CTNND2: variants seen among roughly 807,000 people sequenced by gnomAD.
CTNND2 encodes catenin delta-2.
In CTNND2, 22 loss-of-function variants were observed where a neutral mutation model predicts 144.4. The observed-to-expected ratio is 0.15, with a 90% confidence interval of 0.11 to 0.22. CTNND2 has a LOEUF of 0.22. Among genes scored for constraint, CTNND2 ranks in the 10% least tolerant of loss-of-function variants. CTNND2 has a pLI of 1.00. For missense variants in CTNND2, 1,353 were observed against 1,618.8 expected, an observed-to-expected ratio of 0.84 and a Z score of 2.82; for synonymous variants, 751 against 695.6, an observed-to-expected ratio of 1.08 and a Z score of -1.25.
Position 11,652,446 on chromosome 5 carries a change from A to G in CTNND2, c.174+79690T>C, listed in dbSNP as rs565528283. Among the ~76,000 whole-genome samples, 10 of 152,316 alleles carry G rather than the reference A, an allele frequency of 6.6e-5. No individual in the cohort carries two copies. In the East Asian group the frequency reaches 9.7e-4, roughly 15 times the overall value. The stretch of plus-strand genomic sequence containing the variant: ...TTTAGAGCAATGTAAGAATGGACTA[A>G]TACAGTCAGTGAGCTTTCAGACTGA... On this transcript the variant is annotated intron_variant, in intron 2 of 21. Transcript: ENST00000304623.
intron 9 of CTNND2, among the ~76,000 whole-genome samples, chr5:11,317,106 A>G (rs942617283): frequency 2.6e-5 from 4 of 152,220 alleles, no homozygotes; most frequent in African/African-American, 4.8e-5. Context: ...ATGCAAATCA[A>G]AACCACAATG....
At chr5:11,692,470 A>G (rs971366981) in intron 2 of CTNND2, among the ~76,000 whole-genome samples, 24 of 152,244 alleles carry the variant, frequency 1.6e-4, no homozygotes, top group African/African-American at 5.5e-4. Context: ...TTTGTTAGGC[A>G]GCAAAACAAA....
At chr5:11,512,135 T>C (rs182697982) in intron 3 of CTNND2, among the ~76,000 whole-genome samples, 6 of 152,306 alleles carry the variant, frequency 3.9e-5, no homozygotes, top group African/African-American at 9.6e-5. Context: ...CGCAGTCTCA[T>C]TGGGCCCCAC....
chr5:11,881,690 C>T (rs1736128244), intron 1 of CTNND2, among the ~76,000 whole-genome samples: 1 of 151,928 alleles, frequency 6.6e-6, no homozygotes. Context: ...GTGAATAGTG[C>T]TGCAATAAAC....
chr5:11,570,143 C>T (rs933102723), intron 2 of CTNND2, among the ~76,000 whole-genome samples: 3 of 152,126 alleles, frequency 2.0e-5, no homozygotes, highest in Non-Finnish European at 4.4e-5. Context: ...CAAACTCCTC[C>T]GATTTGTATA....
chr5:11,681,252 T>TC, intron 2 of CTNND2, among the ~76,000 whole-genome samples: 1 of 152,264 alleles, frequency 6.6e-6, no homozygotes, highest in Admixed American at 6.5e-5. Flanking sequence ...GATGGAGTGT[T>TC]CAACAGTTTA....
intron 16 of CTNND2, among the ~76,000 whole-genome samples, chr5:11,074,448 G>A (rs889932237): frequency 5.3e-5 from 8 of 152,156 alleles, no homozygotes; most frequent in African/African-American, 1.9e-4. Flanking sequence ...GATGTCCTGA[G>A]TATCATTTGT....
At chr5:11,844,832 T>C (rs547624892) in intron 1 of CTNND2, among the ~76,000 whole-genome samples, 2 of 152,294 alleles carry the variant, frequency 1.3e-5, no homozygotes, top group African/African-American at 4.8e-5. Flanking sequence ...ATTAATATTG[T>C]TAATCAAGCT....
chr5:10,992,703 A>G, intron 18 of CTNND2, 26 bp from the exon 19 acceptor site: 5 of 1,611,656 alleles, frequency 3.1e-6, no homozygotes, highest in Non-Finnish European at 4.2e-6. Context: ...CGCTCCTGTT[A>G]GATGGGCAAG....
chr5:11,856,391 G>T lies in CTNND2; in HGVS notation c.37+47426C>A, dbSNP rs115564059. Among the ~76,000 whole-genome samples, 202 of 152,214 alleles carry T rather than the reference G, an allele frequency of 1.3e-3. 1 individual carries two copies. The highest frequency in any genetic ancestry group is 4.6e-3 in the African/African-American group (192 of 41,538). ...GAGTGAGTGTCATCTGAAGGAGTGT[G>T]GTCTTTATCACTTTTTCAGCACAAA... On this transcript the variant is annotated intron_variant, in intron 1 of 21. Transcript: ENST00000304623.
chr5:11,040,663 C>T (rs2149566809), intron 16 of CTNND2, among the ~76,000 whole-genome samples: 1 of 152,190 alleles, frequency 6.6e-6, no homozygotes, highest in Non-Finnish European at 1.5e-5. Context: ...ATAAAAATGG[C>T]AGTTAATTAA....
chr5:11,903,216 A>G lies in CTNND2; in HGVS notation c.37+601T>C. On this transcript the variant is annotated intron_variant, in intron 1 of 21. Coordinates refer to ENST00000304623, the MANE Select transcript of CTNND2 (RefSeq NM_001332.4). This position sits in a 1 kb window ranked among gnomAD's most constrained non-coding sequence, Gnocchi z 5.4. ...TTCTGGAGCCTGGCTGTCTATTGTCAGCACGCAGAAGCCCCCGAAACCTGT... is the reference window on the plus strand; with the variant it reads ...TTCTGGAGCCTGGCTGTCTATTGTCGGCACGCAGAAGCCCCCGAAACCTGT... 1 of 985,452 alleles carries G rather than the reference A, an allele frequency of 1.0e-6. No individual in the cohort carries two copies. The highest frequency in any genetic ancestry group is 1.2e-6 in the Non-Finnish European group (1 of 829,980). The allele number at this position is 985,452 out of a possible 1,614,324, so 61.0% of individuals were successfully genotyped here.
chr5:11,637,901 T>C (rs1384618596), intron 2 of CTNND2, among the ~76,000 whole-genome samples: 1 of 152,198 alleles, frequency 6.6e-6, no homozygotes, highest in Admixed American at 6.5e-5. Context: ...AGAGAAGTGA[T>C]ACTAATTGAA....
intron 3 of CTNND2, among the ~76,000 whole-genome samples, chr5:11,545,587 C>T (rs1775162394): frequency 7.0e-6 from 1 of 142,146 alleles, no homozygotes; most frequent in Admixed American, 7.6e-5. Flanking sequence ...TGCTTGAACC[C>T]AGGAGGCAAA....
rs61761659 is a variant in CTNND2 at position 11,808,598 on chromosome 5, T to C, written c.38-76326A>G. ...CAACTACATGGTTTCTATTTTAATATTTTCCCCTTCTAGTTGGTCTCACCC... is the reference window on the plus strand; with the variant it reads ...CAACTACATGGTTTCTATTTTAATACTTTCCCCTTCTAGTTGGTCTCACCC... On this transcript the variant is annotated intron_variant, in intron 1 of 21. Coordinates refer to ENST00000304623, the MANE Select transcript of CTNND2 (RefSeq NM_001332.4). Among the ~76,000 whole-genome samples the C allele has an allele frequency of 3.9e-3, 593 of 152,324 alleles. 18 individuals carry two copies. The South Asian group carries it at 0.064, about 17-fold the overall frequency.
chr5:11,553,447 A>C (rs917317678), intron 3 of CTNND2, among the ~76,000 whole-genome samples: 2 of 152,244 alleles, frequency 1.3e-5, no homozygotes, highest in African/African-American at 4.8e-5. Flanking sequence ...TTCATCAAAA[A>C]GGGAAAATAC....
intron 3 of CTNND2, among the ~76,000 whole-genome samples, chr5:11,438,240 A>C (rs562646668): frequency 2.6e-5 from 4 of 152,242 alleles, no homozygotes; most frequent in African/African-American, 9.6e-5. Context: ...TGCAGATTCA[A>C]TTATATATTT....
chr5:11,370,846 C>G (rs539507100), intron 7 of CTNND2, among the ~76,000 whole-genome samples: 2 of 152,070 alleles, frequency 1.3e-5, no homozygotes, highest in Non-Finnish European at 2.9e-5. Context: ...AGTGAGCAGG[C>G]TTAATGTGTT....
intron 16 of CTNND2, among the ~76,000 whole-genome samples, chr5:11,071,888 A>G (rs1748355981): frequency 6.6e-6 from 1 of 152,236 alleles, no homozygotes; most frequent in Admixed American, 6.5e-5. Flanking sequence ...GAAAAGGAAG[A>G]AAAGAAAACA....
Sources: allele counts gnomAD v4.1 joint callset (sites outside exome capture counted in the v4.1 genomes callset), GRCh38; gene constraint gnomAD v4.1.1; non-coding constraint Gnocchi (gnomAD v3.1); transcripts MANE v1.5; gene names NCBI Gene and HGNC (gene_info 2026-07-23, HGNC 2026-07-21).